AGBL4: variants seen among roughly 807,000 people sequenced by gnomAD.
AGBL4 encodes cytosolic carboxypeptidase 6.
Under a neutral mutation model 66.4 loss-of-function variants are expected in AGBL4, and 58 were observed. That is an observed-to-expected ratio of 0.87 (90% confidence interval 0.71 to 1.09). AGBL4 has a LOEUF of 1.09. Ranked by LOEUF, AGBL4 falls within the 50% of genes least tolerant of loss-of-function variation. AGBL4 has a pLI of 0.00. For missense variants in AGBL4, 579 were observed against 631.0 expected (o/e 0.92, Z 0.88); for synonymous variants, 234 against 222.9 (o/e 1.05, Z -0.44).
chr1:49,641,536 A>G (rs1023927009), intron 3 of AGBL4, among the ~76,000 whole-genome samples: 22 of 152,214 alleles, frequency 1.4e-4, no homozygotes, highest in Admixed American at 3.3e-4. Flanking sequence ...TAGCAAAATT[A>G]TCTTATCTTG....
intron 1 of AGBL4, among the ~76,000 whole-genome samples, chr1:49,899,708 G>A (rs748990561): frequency 6.6e-6 from 1 of 152,022 alleles, no homozygotes; most frequent in African/African-American, 2.4e-5. Context: ...GTGACTCCTG[G>A]TTTATTTAAT....
At chr1:48,623,057 A>G (rs1645442127) in intron 9 of AGBL4, among the ~76,000 whole-genome samples, 1 of 152,216 alleles carries the variant, frequency 6.6e-6, no homozygotes, top group Admixed American at 6.5e-5. Flanking sequence ...AAGCCCCCTC[A>G]GACCCCTTGC....
At chr1:49,951,353 C>G (rs182842542) in intron 1 of AGBL4, among the ~76,000 whole-genome samples, 1 of 151,926 alleles carries the variant, frequency 6.6e-6, no homozygotes, top group East Asian at 1.9e-4. Flanking sequence ...AGGGTTCTCA[C>G]ACATGTGTGC....
rs529804685 is a variant in AGBL4, at chr1:48,634,657, C to T, written c.840-53G>A. The stretch of plus-strand genomic sequence containing the variant: ...TATAGACAGGATAAGCTGAGCTTCT[C>T]ACCTGTCAAAATATGCTTATGAGTA... On this transcript the variant is annotated intron_variant, in intron 8 of 13. Transcript: ENST00000371839. 944 of 1,338,824 alleles carry T rather than the reference C, an allele frequency of 7.1e-4. 6 individuals carry two copies. The South Asian group carries it at 7.1e-3, about 10-fold the overall frequency. 82.9% of individuals were successfully genotyped at this position (1,338,824 alleles called of 1,614,324 possible). A position where few individuals can be genotyped will look rare whatever the true frequency, so the allele number is the denominator to read the frequency against.
chr1:49,825,145 C>G (rs1426249041), intron 2 of AGBL4, among the ~76,000 whole-genome samples: 1 of 152,224 alleles, frequency 6.6e-6, no homozygotes, highest in East Asian at 1.9e-4. Context: ...ATGGTTCTAA[C>G]TGACTCTATC....
chr1:49,055,649 A>C (rs935496424), intron 4 of AGBL4, among the ~76,000 whole-genome samples: 3 of 152,134 alleles, frequency 2.0e-5, no homozygotes, highest in Non-Finnish European at 4.4e-5. Flanking sequence ...ACATAGTGTT[A>C]GATATAGGTG....
chr1:49,853,123 C>A (rs1646346483), intron 1 of AGBL4, among the ~76,000 whole-genome samples: 1 of 152,046 alleles, frequency 6.6e-6, no homozygotes, highest in Non-Finnish European at 1.5e-5. Flanking sequence ...CAAGAAAAAA[C>A]AACCTACTGT....
At chr1:49,075,527 A>G (rs72682981) in intron 4 of AGBL4, among the ~76,000 whole-genome samples, 3,316 of 152,258 alleles carry the variant, frequency 0.022, 60 homozygotes, top group Non-Finnish European at 0.036. Context: ...CATCACCTTT[A>G]GAGTATATAC....
At chr1:49,373,325 A>G (rs142420665) in intron 3 of AGBL4, among the ~76,000 whole-genome samples, 6 of 152,218 alleles carry the variant, frequency 3.9e-5, no homozygotes, top group African/African-American at 1.4e-4. Context: ...TAATAAATTA[A>G]GTAGAACTGA....
chr1:48,565,115 T>C (rs1644455619), intron 11 of AGBL4, among the ~76,000 whole-genome samples: 1 of 152,204 alleles, frequency 6.6e-6, no homozygotes. Context: ...CAAGACGTTA[T>C]TAATCAGTAT....
chr1:49,388,123 A>G (rs142841677), intron 3 of AGBL4, among the ~76,000 whole-genome samples: 7 of 152,264 alleles, frequency 4.6e-5, no homozygotes, highest in East Asian at 3.9e-4. Flanking sequence ...TTCTATTACC[A>G]TACTTCAATA....
At chr1:48,871,783 C>T (rs1648702749) in intron 5 of AGBL4, among the ~76,000 whole-genome samples, 1 of 152,004 alleles carries the variant, frequency 6.6e-6, no homozygotes, top group Admixed American at 6.6e-5. Flanking sequence ...AGGAATTGTC[C>T]ACCAGCACCC....
intron 3 of AGBL4, among the ~76,000 whole-genome samples, chr1:49,681,339 T>C (rs1164398444): frequency 6.6e-6 from 1 of 152,204 alleles, no homozygotes; most frequent in Admixed American, 6.5e-5. Flanking sequence ...TCTTGTGTTT[T>C]AGCAGTGTTC....
chr1:49,257,796 T>C (rs1276843057), intron 3 of AGBL4, among the ~76,000 whole-genome samples: 1 of 152,174 alleles, frequency 6.6e-6, no homozygotes, highest in East Asian at 1.9e-4. Context: ...GAGCTGTTCC[T>C]ATTCGGCCAT....
intron 3 of AGBL4, among the ~76,000 whole-genome samples, chr1:49,376,835 C>T (rs1644482232): frequency 6.6e-6 from 1 of 152,006 alleles, no homozygotes; most frequent in South Asian, 2.1e-4. Flanking sequence ...TTTTAATTGT[C>T]ATGATAAAAC....
At chr1:48,979,258 G>A (rs921341960) in intron 5 of AGBL4, among the ~76,000 whole-genome samples, 1 of 151,938 alleles carries the variant, frequency 6.6e-6, no homozygotes, top group East Asian at 1.9e-4. Flanking sequence ...TTAAAATCTT[G>A]TGACACAGAG....
At chr1:49,738,686 G>A (rs907830114) in intron 2 of AGBL4, among the ~76,000 whole-genome samples, 6 of 152,182 alleles carry the variant, frequency 3.9e-5, no homozygotes, top group Non-Finnish European at 8.8e-5. Flanking sequence ...TCACACGGCC[G>A]GGTACTCCTC....
intron 12 of AGBL4, among the ~76,000 whole-genome samples, chr1:48,537,126 T>C (rs1039115609): frequency 6.6e-6 from 1 of 152,026 alleles, no homozygotes; most frequent in Non-Finnish European, 1.5e-5. Flanking sequence ...TGGAAAATAA[T>C]ACAAAAAAGG....
At chr1:49,944,889 C>A (rs1370664104) in intron 1 of AGBL4, among the ~76,000 whole-genome samples, 2 of 151,684 alleles carry the variant, frequency 1.3e-5, no homozygotes, top group Non-Finnish European at 2.9e-5. Context: ...CTTCAGGAAA[C>A]CACGGATGCA....
Sources: allele counts gnomAD v4.1 joint callset (sites outside exome capture counted in the v4.1 genomes callset), GRCh38; gene constraint gnomAD v4.1.1; transcripts MANE v1.5; gene names NCBI Gene and HGNC (gene_info 2026-07-23, HGNC 2026-07-21).